Variants in ITGAD observed in about 807,000 individuals in gnomAD.
ITGAD encodes the protein integrin subunit alpha D.
ITGAD carries 105 observed loss-of-function variants against 139.0 expected under a neutral mutation model. That is an observed-to-expected ratio of 0.76 (90% CI 0.65 to 0.89). ITGAD has a LOEUF of 0.89. ITGAD is among the 40% of genes least tolerant of loss of function. ITGAD has a pLI of 0.00. For synonymous variants in ITGAD, 569 were observed against 598.3 expected (o/e 0.95, Z 0.71); for missense variants, 1,384 against 1,487.3 (o/e 0.93, Z 1.14).
Position 31,416,686 on chromosome 16 carries a change from C to T in ITGAD, c.2499+40C>T, listed in dbSNP as rs1342081825. On this transcript the variant is annotated intron_variant, in intron 20 of 29. Transcript: ENST00000389202. ...AGGCTCTAGTGGGAGGGGGCCTCTC[C>T]CCTGCCCTGTAGCCCCGGGAGTTAC... The T allele has an allele frequency of 2.4e-5, 38 of 1,575,136 alleles. No homozygotes were observed. The Admixed American group carries it at 6.6e-4, about 27-fold the overall frequency.
chr16:31,417,687 G>A (rs993894155), intron 20 of ITGAD, among the ~76,000 whole-genome samples: 4 of 152,194 alleles, frequency 2.6e-5, no homozygotes, highest in Non-Finnish European at 5.9e-5. Context: ...GCTCACACCT[G>A]TAATCCCAGC....
Position 31,414,992 on chromosome 16 carries a change from G to A in ITGAD, c.2283+1G>A, listed in dbSNP as rs1293909772. The A allele has an allele frequency of 1.2e-6, 2 of 1,613,930 alleles. No individual in the cohort carries two copies. Among genetic ancestry groups the A allele is most frequent in the Non-Finnish European group, 1.7e-6 (2 of 1,179,968 alleles). ...CTCACAAGACCTCTTCACTGCTTCT[G>A]TGAGTCTTCTGATGAAGTCCCAGGG... On this transcript the variant is annotated splice_donor_variant, in intron 18 of 29. Transcript: ENST00000389202. LOFTEE classifies it high-confidence loss of function.
At position 31,424,578 on chromosome 16, in the gene ITGAD, G is replaced by A. The variant is rs1334102126; in HGVS notation, c.3372+1G>A. 1 of 1,571,602 alleles carries A rather than the reference G, an allele frequency of 6.4e-7. No homozygotes were observed. Among genetic ancestry groups the A allele is most frequent in the Admixed American group, 2.0e-5 (1 of 50,890 alleles). ...GCTCATCACAGCCACACTGTACAAG[G>A]CAAGTGTTTTATCCAACTCTTTTTT... On this transcript the variant is annotated splice_donor_variant, in intron 29 of 29. Transcript: ENST00000389202. LOFTEE classifies it high-confidence loss of function.
intron 16 of ITGAD, 32 bp downstream of exon 16, chr16:31,413,278 C>A: frequency 1.2e-6 from 2 of 1,609,336 alleles, no homozygotes; most frequent in Non-Finnish European, 8.5e-7. Flanking sequence ...GGCCCAGGCC[C>A]CTCATTCCAT....
chr16:31,415,653 G>A (rs1039083173), intron 18 of ITGAD, among the ~76,000 whole-genome samples: 1 of 151,750 alleles, frequency 6.6e-6, no homozygotes, highest in African/African-American at 2.4e-5. Flanking sequence ...TCCCTGTTTC[G>A]CCCCTCACTT....
At position 31,403,228 on chromosome 16, in the gene ITGAD, C is replaced by A. The variant is rs2081450066; in HGVS notation, c.559-272C>A. On this transcript the variant is annotated intron_variant, in intron 6 of 29. Coordinates refer to ENST00000389202, the MANE Select transcript of ITGAD (RefSeq NM_005353.3). This position sits in a 1 kb window ranked among gnomAD's most constrained non-coding sequence, Gnocchi z 4.4. ...GTGGCTCACACCTGTAATCCCAGCA[C>A]TTTGGGAGGCTGAGGTGGGAGTATT... 2.8e-6 allele frequency: 1 copy of A among 358,780 alleles called. No individual in the cohort carries two copies. The highest frequency in any genetic ancestry group is 5.1e-6 in the Non-Finnish European group (1 of 195,334). 22.2% of individuals were successfully genotyped at this position (358,780 alleles called of 1,614,324 possible).
At position 31,411,211 on chromosome 16, in the gene ITGAD, A is replaced by AG. The variant is rs762659181; in HGVS notation, c.1497+1dup. 2.2e-5 allele frequency: 35 copies of AG among 1,612,936 alleles called. No homozygotes were observed. The highest frequency in any genetic ancestry group is 4.0e-5 in the African/African-American group (3 of 74,768). ...CCAGGTGTCCGTGTGTCCCTTGCCTAGGGGGGTGAGTGGCTGATGGGACCT... is the reference window on the plus strand; with the variant it reads ...CCAGGTGTCCGTGTGTCCCTTGCCTAGGGGGGGTGAGTGGCTGATGGGACCT... On this transcript the variant is annotated frameshift_variant, in exon 13 of 30. Transcript: ENST00000389202. LOFTEE classifies it high-confidence loss of function.
At chr16:31,424,294 G>T in intron 28 of ITGAD, 91 bp downstream of exon 28, 2 of 1,498,374 alleles carry the variant, frequency 1.3e-6, no homozygotes, top group Non-Finnish European at 1.9e-6. Flanking sequence ...CAAGCCTTGC[G>T]GGAGGAGGGT....
At chr16:31,416,674 AG>A in intron 20 of ITGAD, 28 bp downstream of exon 20, 1 of 1,585,986 alleles carries the variant, frequency 6.3e-7, no homozygotes, top group Non-Finnish European at 8.6e-7. Context: ...CTCTAGTGGG[AG>A]GGGGCCTCTC....
chr16:31,418,268 T>TAAA, intron 21 of ITGAD, 33 bp from the exon 22 acceptor site: 1 of 1,610,250 alleles, frequency 6.2e-7, no homozygotes, highest in East Asian at 2.2e-5. Flanking sequence ...TGCCCTTCCT[T>TAAA]TTATCCCCAT....
chr16:31,405,992 T>C (rs2081530668), intron 7 of ITGAD, among the ~76,000 whole-genome samples: 1 of 152,214 alleles, frequency 6.6e-6, no homozygotes. Flanking sequence ...ATTTGGGTTA[T>C]TTCCAATATT....
At position 31,426,094 on chromosome 16, in the gene ITGAD, T is replaced by G; in HGVS notation, c.3452T>G (p.Phe1151Cys). 1 of 1,613,590 alleles carries G rather than the reference T, an allele frequency of 6.2e-7. No homozygotes were observed. Among genetic ancestry groups the G allele is most frequent in the Non-Finnish European group, 8.5e-7 (1 of 1,179,490 alleles). Residue 1151 changes from phenylalanine (F) to cysteine (C), a missense_variant, in exon 30 of 30, where the codon TTC becomes TGC. Transcript: ENST00000389202. ...ACTGCCACATTCAGTGGGGACGATT[T>G]CAGCTGTGTGGCCCCAAATGTGCCT... ...EDTATFSGDDFSCVAPNVPLS is the reference protein window; with the variant it reads ...EDTATFSGDDCSCVAPNVPLS
intron 23 of ITGAD, among the ~76,000 whole-genome samples, chr16:31,420,317 C>T (rs2081983386): frequency 6.6e-6 from 1 of 152,000 alleles, no homozygotes. Context: ...GGCACAGGGG[C>T]AGGCGAGGCT....
intron 10 of ITGAD, among the ~76,000 whole-genome samples, chr16:31,409,886 T>G (rs2081637126): frequency 1.5e-5 from 2 of 133,808 alleles, no homozygotes; most frequent in African/African-American, 5.7e-5. Flanking sequence ...CATCACAGCC[T>G]GTGTGACAGA....
At chr16:31,393,483 A>C (rs2081187090) in intron 1 of ITGAD, 92 bp downstream of exon 1, 1 of 1,375,370 alleles carries the variant, frequency 7.3e-7, no homozygotes, top group East Asian at 2.3e-5. Context: ...GGTCGGCTCC[A>C]ACCACTCTTA....
At chr16:31,397,177 C>T (rs2081285258) in intron 2 of ITGAD, among the ~76,000 whole-genome samples, 182 bp from the exon 3 acceptor site, 1 of 151,722 alleles carries the variant, frequency 6.6e-6, no homozygotes, top group Admixed American at 6.6e-5. Context: ...CCAGCATGGC[C>T]CCTGGGCATC....
At chr16:31,420,532 G>A (rs1030991849) in intron 23 of ITGAD, among the ~76,000 whole-genome samples, 1 of 152,068 alleles carries the variant, frequency 6.6e-6, no homozygotes, top group Non-Finnish European at 1.5e-5. Flanking sequence ...CGAGTAGTTG[G>A]ATTACAGGCA....
In ITGAD at chr16:31,397,907, C is replaced by T. The variant is rs773708953; in HGVS notation, c.425C>T (p.Pro142Leu). 1.9e-6 allele frequency: 3 copies of T among 1,609,200 alleles called. No individual in the cohort carries two copies. The African/African-American group carries it at 4.0e-5, about 21-fold the overall frequency. Residue 142 changes from proline (P) to leucine (L), a missense_variant and splice_region_variant, in exon 5 of 30, where the codon CCA becomes CTA. Coordinates refer to ENST00000389202, the MANE Select transcript of ITGAD (RefSeq NM_005353.3). ...EIIQTVPDAT[P>L]ECPHQEMDIV... ...ATCCAGACAGTCCCCGACGCCACGCCAGGTAGGTCCCTGGCAGGCCATGGT... is the reference window on the plus strand; with the variant it reads ...ATCCAGACAGTCCCCGACGCCACGCTAGGTAGGTCCCTGGCAGGCCATGGT...
intron 23 of ITGAD, 89 bp downstream of exon 23, chr16:31,418,653 G>A: frequency 1.1e-6 from 1 of 939,346 alleles, no homozygotes; most frequent in Admixed American, 1.7e-5. Flanking sequence ...TTCCAATGAT[G>A]CACATCTAAG....
Sources: allele counts gnomAD v4.1 joint callset (sites outside exome capture counted in the v4.1 genomes callset), GRCh38; gene constraint gnomAD v4.1.1; non-coding constraint Gnocchi (gnomAD v3.1); transcripts MANE v1.5; gene names NCBI Gene and HGNC (gene_info 2026-07-23, HGNC 2026-07-21).